SLC24A4: variants seen among roughly 807,000 people sequenced by gnomAD.
SLC24A4 encodes the protein sodium/potassium/calcium exchanger 4.
In SLC24A4, 53 loss-of-function variants were observed where a neutral mutation model predicts 79.0. That is an observed-to-expected ratio of 0.67 (90% CI 0.54 to 0.84). The LOEUF (loss-of-function observed/expected upper bound fraction) is 0.84. SLC24A4 is among the 40% of genes least tolerant of loss of function. The pLI, the probability that SLC24A4 is intolerant of heterozygous loss-of-function variation, is 0.00. For missense variants in SLC24A4, 731 were observed against 822.0 expected (o/e 0.89, Z 1.35); for synonymous variants, 323 against 323.8 (o/e 1.00, Z 0.03).
intron 2 of SLC24A4, among the ~76,000 whole-genome samples, chr14:92,367,737 AACCCTCAGTC>A (rs754050619): frequency 3.3e-5 from 5 of 152,234 alleles, no homozygotes; most frequent in South Asian, 2.1e-4. Flanking sequence ...AACGACTCCA[AACCCTCAGTC>A]ACTGTCTGCC....
intron 2 of SLC24A4, among the ~76,000 whole-genome samples, chr14:92,387,818 T>C (rs935358247): frequency 6.6e-6 from 1 of 152,258 alleles, no homozygotes; most frequent in Non-Finnish European, 1.5e-5. Context: ...ATATTTGTTC[T>C]TTTGTGACCA....
At chr14:92,388,570 C>T (rs1214198144) in intron 2 of SLC24A4, among the ~76,000 whole-genome samples, 1 of 152,216 alleles carries the variant, frequency 6.6e-6, no homozygotes, top group Non-Finnish European at 1.5e-5. Context: ...TCCTGGCTCT[C>T]GCTGTCTCTG....
intron 2 of SLC24A4, among the ~76,000 whole-genome samples, chr14:92,385,461 C>T (rs530875246): frequency 6.6e-6 from 1 of 151,094 alleles, no homozygotes; most frequent in Non-Finnish European, 1.5e-5. Context: ...TGTACCACTG[C>T]ACTCCAGCCT....
intron 2 of SLC24A4, among the ~76,000 whole-genome samples, chr14:92,400,248 G>T (rs1285709879): frequency 1.3e-5 from 2 of 152,062 alleles, no homozygotes; most frequent in Non-Finnish European, 2.9e-5. Flanking sequence ...AGAACATCCA[G>T]GCCAACATGG....
At chr14:92,470,812 TCCTAATGTTAAAGAACC>T (rs1216597115) in intron 12 of SLC24A4, among the ~76,000 whole-genome samples, 2 of 152,188 alleles carry the variant, frequency 1.3e-5, no homozygotes, top group Non-Finnish European at 2.9e-5. Context: ...TAGTCCAGAC[TCCTAATGTTAAAGAACC>T]CCTATTCAGG....
At chr14:92,351,520 A>G (rs11624953) in intron 2 of SLC24A4, among the ~76,000 whole-genome samples, 18,542 of 152,292 alleles carry the variant, frequency 0.12, 1,197 homozygotes, top group Admixed American at 0.15. Context: ...AGCAAGACAC[A>G]TGCCTATTAG....
intron 2 of SLC24A4, among the ~76,000 whole-genome samples, chr14:92,392,760 C>A (rs1889547285): frequency 6.6e-6 from 1 of 152,162 alleles, no homozygotes. Context: ...TAAAAGAAGC[C>A]CCGAGGAAGC....
intron 12 of SLC24A4, among the ~76,000 whole-genome samples, chr14:92,474,706 T>C (rs71430761): frequency 3.5e-3 from 15 of 4,238 alleles, no homozygotes; most frequent in Non-Finnish European, 0.016. Flanking sequence ...TATATACGTG[T>C]GTGTATATAT....
intron 2 of SLC24A4, among the ~76,000 whole-genome samples, chr14:92,328,592 A>G (rs904186964): frequency 1.3e-5 from 2 of 152,254 alleles, no homozygotes; most frequent in African/African-American, 2.4e-5. Context: ...CGAGGTGTCC[A>G]TGGCTCTGTT....
Position 92,353,847 on chromosome 14 carries a change from C to T in SLC24A4, c.241+27869C>T, listed in dbSNP as rs771322460. 3.9e-5 allele frequency among the ~76,000 whole-genome samples: 6 copies of T among 152,196 alleles called. No homozygotes were observed. Among genetic ancestry groups the T allele is most frequent in the Non-Finnish European group, 7.3e-5 (5 of 68,030 alleles). ...CCCTGAAGCAGCTGTAAACCTGTAG[C>T]AGAGCATAACTTCAGCTCCCCTGTC... On this transcript the variant is annotated intron_variant, in intron 2 of 16. Coordinates refer to ENST00000532405, the MANE Select transcript of SLC24A4 (RefSeq NM_153646.4). The surrounding 1 kb of genome is among the most constrained non-coding windows in gnomAD (Gnocchi z 4.1).
At chr14:92,484,680 G>T in intron 13 of SLC24A4, 3 of 985,366 alleles carry the variant, frequency 3.0e-6, no homozygotes, top group Non-Finnish European at 3.6e-6. Flanking sequence ...CTAAATGGGG[G>T]ACATGGGGAC....
At chr14:92,334,856 G>A (rs1323492361) in intron 2 of SLC24A4, among the ~76,000 whole-genome samples, 7 of 152,000 alleles carry the variant, frequency 4.6e-5, no homozygotes, top group East Asian at 3.9e-4. Context: ...TACGGAGCCC[G>A]TGGTAGCTGC....
chr14:92,403,786 G>A (rs17094863), intron 2 of SLC24A4, among the ~76,000 whole-genome samples: 27,142 of 150,670 alleles, frequency 0.18, 2,679 homozygotes, highest in Non-Finnish European at 0.21. Flanking sequence ...TTTCTAATGC[G>A]CTTCCCTACA....
At position 92,442,298 on chromosome 14, in the gene SLC24A4, GC is replaced by G. The variant is rs1483632883; in HGVS notation, c.478+126del. 4.4e-5 allele frequency: 31 copies of G among 697,134 alleles called. No individual in the cohort carries two copies. In the Admixed American group the frequency reaches 7.9e-4, roughly 18 times the overall value. 43.2% of individuals were successfully genotyped at this position (697,134 alleles called of 1,614,324 possible). A position where few individuals can be genotyped will look rare whatever the true frequency, so the allele number is the denominator to read the frequency against. On this transcript the variant is annotated intron_variant, in intron 5 of 16. Transcript: ENST00000532405. ...TCTGTAAAATGGGAGAATTGGAGAG[GC>G]AGTAAGTAGACTGGTGGTTTCTTGG...
rs1165373049 is a variant in SLC24A4 at position 92,481,050 on chromosome 14, ACT to A, written c.1256-1627_1256-1626del. 3.3e-5 allele frequency among the ~76,000 whole-genome samples: 5 copies of A among 152,028 alleles called. No homozygotes were observed. The South Asian group carries it at 8.3e-4, about 25-fold the overall frequency. ...TCGTTCTCCCAGTCTTTGCCAAGGG[ACT>A]CTGTATGTGTTTTGGGGCATGCCTC... On this transcript the variant is annotated intron_variant, in intron 12 of 16. Transcript: ENST00000532405.
At chr14:92,416,295 G>A (rs1566751017) in intron 2 of SLC24A4, among the ~76,000 whole-genome samples, 1 of 152,256 alleles carries the variant, frequency 6.6e-6, no homozygotes, top group South Asian at 2.1e-4. Flanking sequence ...CTGTGTTGGC[G>A]ATCAGGGTCT....
intron 2 of SLC24A4, among the ~76,000 whole-genome samples, chr14:92,414,679 G>A (rs1365618059): frequency 1.4e-4 from 21 of 152,202 alleles, no homozygotes; most frequent in Admixed American, 1.4e-3. Flanking sequence ...GGTTGAGGCT[G>A]CAGTGAGCTG....
chr14:92,344,626 C>A (rs1293883348), intron 2 of SLC24A4, among the ~76,000 whole-genome samples: 4 of 151,878 alleles, frequency 2.6e-5, no homozygotes, highest in African/African-American at 9.7e-5. Context: ...TGGAACTAGT[C>A]CTGGGGAGGT....
Position 92,500,865 on chromosome 14 carries a change from A to T in SLC24A4, c.*7237A>T, listed in dbSNP as rs1257417388. On this transcript the variant is annotated 3_prime_UTR_variant, in exon 17 of 17. Transcript: ENST00000532405. ...AGCTTTGATTACCTAGAGAGGAAAA[A>T]GGCTGTCAGCCAGATGCAGCCAGGC... The T allele has an allele frequency of 3.9e-5, 6 of 152,332 alleles. No homozygotes were observed. The highest frequency in any genetic ancestry group is 3.9e-4 in the Admixed American group (6 of 15,292). 9.4% of individuals were successfully genotyped at this position (152,332 alleles called of 1,614,324 possible). A position where few individuals can be genotyped will look rare whatever the true frequency, so the allele number is the denominator to read the frequency against.
Sources: allele counts gnomAD v4.1 joint callset (sites outside exome capture counted in the v4.1 genomes callset), GRCh38; gene constraint gnomAD v4.1.1; non-coding constraint Gnocchi (gnomAD v3.1); transcripts MANE v1.5; gene names NCBI Gene and HGNC (gene_info 2026-07-23, HGNC 2026-07-21).